The following IDE variants were observed in gnomAD, a reference collection of about 807,000 sequenced individuals.
IDE encodes the protein insulin-degrading enzyme.
In IDE, 58 loss-of-function variants were observed where a neutral mutation model predicts 133.2. The ratio of observed to expected loss-of-function variants is 0.44; its 90% confidence interval spans 0.35 to 0.54. The LOEUF is 0.54. IDE is among the 20% of genes least tolerant of loss of function. IDE has a pLI of 0.00. For synonymous variants in IDE, 396 were observed against 421.3 expected (o/e 0.94, Z 0.73); for missense variants, 981 against 1,234.0 (o/e 0.79, Z 3.07).
rs555663044 is a variant in IDE, at chr10:92,553,033, A to T, written c.99-15483T>A. Among the ~76,000 whole-genome samples, 5 of 152,164 alleles carry T rather than the reference A, an allele frequency of 3.3e-5. No individual in the cohort carries two copies. The South Asian group carries it at 1.0e-3, about 32-fold the overall frequency. On this transcript the variant is annotated intron_variant, in intron 1 of 24. Coordinates refer to ENST00000265986, the MANE Select transcript of IDE (RefSeq NM_004969.4). ...GAAGAAACTCCTAAGGGTCCAAGCC[A>T]TAATAATTTGAGCAACAAAACAAAG...
chr10:92,564,661 G>C (rs1564685139), intron 1 of IDE, among the ~76,000 whole-genome samples: 2 of 79,974 alleles, frequency 2.5e-5, no homozygotes, highest in South Asian at 9.0e-4. Context: ...GCGATAAAGC[G>C]AGACTGTCTC....
At chr10:92,467,829 A>G (rs1380895679) in intron 19 of IDE, among the ~76,000 whole-genome samples, 1 of 152,240 alleles carries the variant, frequency 6.6e-6, no homozygotes, top group Non-Finnish European at 1.5e-5. Context: ...GTCATGCACA[A>G]CAGCAGAGCT....
chr10:92,460,592 T>C (rs151215350), intron 22 of IDE, among the ~76,000 whole-genome samples: 4 of 152,152 alleles, frequency 2.6e-5, no homozygotes, highest in East Asian at 1.9e-4. Flanking sequence ...ACACTAACAA[T>C]AGCTGATAAG....
At chr10:92,476,844 A>G (rs1564606417) in intron 15 of IDE, among the ~76,000 whole-genome samples, 1 of 152,242 alleles carries the variant, frequency 6.6e-6, no homozygotes, top group African/African-American at 2.4e-5. Context: ...AGGTAAGAAG[A>G]TAAAAATCAC....
At chr10:92,521,746 C>CAA (rs1849236980) in intron 4 of IDE, among the ~76,000 whole-genome samples, 2 of 152,028 alleles carry the variant, frequency 1.3e-5, no homozygotes, top group Non-Finnish European at 2.9e-5. Context: ...ATATGTAATA[C>CAA]TTATTTGGAC....
At chr10:92,495,722 T>G (rs1847650839) in intron 11 of IDE, among the ~76,000 whole-genome samples, 1 of 151,796 alleles carries the variant, frequency 6.6e-6, no homozygotes, top group African/African-American at 2.4e-5. Flanking sequence ...TACACTATCA[T>G]GATATCAAAT....
chr10:92,525,757 A>G (rs1849590764), intron 4 of IDE, among the ~76,000 whole-genome samples: 3 of 151,142 alleles, frequency 2.0e-5, no homozygotes, highest in Non-Finnish European at 4.4e-5. Context: ...AATCTGAAAA[A>G]AAAAAAAAAA....
chr10:92,492,664 C>A (rs986191222), intron 11 of IDE, among the ~76,000 whole-genome samples: 1 of 152,156 alleles, frequency 6.6e-6, no homozygotes, highest in Non-Finnish European at 1.5e-5. Context: ...TTCTCACCTA[C>A]CCCCAGAGGT....
intron 1 of IDE, among the ~76,000 whole-genome samples, chr10:92,546,352 T>A (rs188491144): frequency 5.9e-5 from 9 of 152,328 alleles, no homozygotes; most frequent in South Asian, 2.1e-4. Flanking sequence ...AGTTGAACAC[T>A]GCCATCTTTC....
intron 9 of IDE, among the ~76,000 whole-genome samples, chr10:92,507,314 T>A (rs1848344678): frequency 6.6e-6 from 1 of 152,186 alleles, no homozygotes; most frequent in Non-Finnish European, 1.5e-5. Flanking sequence ...TTCTTCTGAG[T>A]GATGGAAAAG....
chr10:92,465,920 A>C, intron 19 of IDE, 77 bp from the exon 20 acceptor site: 1 of 1,167,130 alleles, frequency 8.6e-7, no homozygotes, highest in Non-Finnish European at 1.3e-6. Flanking sequence ...ATGTCTGCCC[A>C]CACTTACAGA....
At chr10:92,461,311 G>A in intron 21 of IDE, 59 bp from the exon 22 acceptor site, 1 of 814,548 alleles carries the variant, frequency 1.2e-6, no homozygotes, top group Non-Finnish European at 2.1e-6. Context: ...GCCCAGAACA[G>A]TACACTAAAT....
intron 4 of IDE, among the ~76,000 whole-genome samples, chr10:92,520,019 C>T (rs982434575): frequency 6.6e-6 from 1 of 152,106 alleles, no homozygotes; most frequent in African/African-American, 2.4e-5. Flanking sequence ...GCAGGAGAAT[C>T]GCTTGAACCT....
chr10:92,493,254 T>C (rs1483420461), intron 11 of IDE, among the ~76,000 whole-genome samples: 1 of 152,176 alleles, frequency 6.6e-6, no homozygotes, highest in Non-Finnish European at 1.5e-5. Flanking sequence ...GACTCAGGCC[T>C]AGGAACTCGG....
At chr10:92,556,193 A>AAG (rs1554852492) in intron 1 of IDE, among the ~76,000 whole-genome samples, 2 of 151,210 alleles carry the variant, frequency 1.3e-5, no homozygotes, top group African/African-American at 4.8e-5. Context: ...AAAAAAAAAA[A>AAG]AAAAAAAGAA....
At chr10:92,566,093 C>T (rs776099653) in intron 1 of IDE, among the ~76,000 whole-genome samples, 6 of 151,596 alleles carry the variant, frequency 4.0e-5, no homozygotes, top group Non-Finnish European at 5.9e-5. Flanking sequence ...CAGTGGCTCA[C>T]GCCTATAATC....
intron 4 of IDE, among the ~76,000 whole-genome samples, chr10:92,525,833 G>GC (rs1849596722): frequency 6.8e-6 from 1 of 147,348 alleles, no homozygotes; most frequent in South Asian, 2.2e-4. Flanking sequence ...CAACAAAAAA[G>GC]CCCTCTAAGA....
chr10:92,467,471 T>C (rs1367617225), intron 19 of IDE, among the ~76,000 whole-genome samples: 2 of 152,212 alleles, frequency 1.3e-5, no homozygotes, highest in African/African-American at 4.8e-5. Context: ...TTCAGCATGA[T>C]TTCCTACCAC....
At position 92,558,312 on chromosome 10, in the gene IDE, C is replaced by T. The variant is rs7098744; in HGVS notation, c.98+15610G>A. Among the ~76,000 whole-genome samples, 500 of 152,278 alleles carry T rather than the reference C, an allele frequency of 3.3e-3. 1 individual carries two copies. The highest frequency in any genetic ancestry group is 0.012 in the African/African-American group (486 of 41,542). On this transcript the variant is annotated intron_variant, in intron 1 of 24. Coordinates refer to ENST00000265986, the MANE Select transcript of IDE (RefSeq NM_004969.4). The stretch of plus-strand genomic sequence containing the variant: ...CAGGTGATCCGCCCACCTCGGCCTC[C>T]CAAAGTGCTAGGATTACAGGTGTGA...
Sources: gnomAD v4.1 joint callset for allele counts (sites outside exome capture counted in the v4.1 genomes callset) on GRCh38, gnomAD v4.1.1 for gene constraint, MANE v1.5 for transcripts, NCBI Gene and HGNC (gene_info 2026-07-23, HGNC 2026-07-21) for gene names.